GPC5: variants seen among roughly 807,000 people sequenced by gnomAD.
GPC5 encodes the protein glypican-5.
In GPC5, 47 loss-of-function variants were observed where a neutral mutation model predicts 53.9. That is an observed-to-expected ratio of 0.87 (90% CI 0.69 to 1.11). The LOEUF (loss-of-function observed/expected upper bound fraction) is 1.11. Among genes scored for constraint, GPC5 ranks in the 50% most tolerant of loss-of-function variants. GPC5 has a pLI of 0.00. For missense variants in GPC5, 748 were observed against 713.1 expected (o/e 1.05, Z -0.56); for synonymous variants, 286 against 263.3 (o/e 1.09, Z -0.84).
chr13:92,248,211 A>G (rs946111476), intron 7 of GPC5, among the ~76,000 whole-genome samples: 1 of 152,090 alleles, frequency 6.6e-6, no homozygotes, highest in Non-Finnish European at 1.5e-5. Flanking sequence ...GGAAAAAAAA[A>G]AAAACAGATT....
At position 92,365,479 on chromosome 13, in the gene GPC5, A is replaced by G. The variant is rs192030457; in HGVS notation, c.1561+220490A>G. On this transcript the variant is annotated intron_variant, in intron 7 of 7. Coordinates refer to ENST00000377067, the MANE Select transcript of GPC5 (RefSeq NM_004466.6). ...CTTTTAAAATATCTTTCTTTCTTCA[A>G]TGATAAATTACCCTTAGTTTACTCT... Among the ~76,000 whole-genome samples the G allele has an allele frequency of 5.6e-3, 853 of 151,650 alleles. 3 individuals are homozygous for G. Among genetic ancestry groups the G allele is most frequent in the Non-Finnish European group, 9.6e-3 (650 of 68,016 alleles).
intron 6 of GPC5, among the ~76,000 whole-genome samples, chr13:92,027,632 C>G (rs2040810655): frequency 6.6e-6 from 1 of 152,180 alleles, no homozygotes; most frequent in Non-Finnish European, 1.5e-5. Flanking sequence ...GTTGAAAGGA[C>G]TGAATCTGAA....
At chr13:91,966,401 G>T (rs1410355189) in intron 6 of GPC5, among the ~76,000 whole-genome samples, 2 of 152,090 alleles carry the variant, frequency 1.3e-5, no homozygotes, top group Non-Finnish European at 2.9e-5. Flanking sequence ...GAGGTATTTT[G>T]TTGTATTTCA....
intron 6 of GPC5, among the ~76,000 whole-genome samples, chr13:91,936,018 A>G (rs908676874): frequency 2.6e-5 from 4 of 152,006 alleles, no homozygotes; most frequent in African/African-American, 9.7e-5. Context: ...ATTTTGAAAA[A>G]GCTTCCTCCC....
chr13:92,820,499 T>C (rs1659099247), intron 7 of GPC5, among the ~76,000 whole-genome samples: 1 of 152,132 alleles, frequency 6.6e-6, no homozygotes, highest in Non-Finnish European at 1.5e-5. Flanking sequence ...GATCTGATCA[T>C]ATCACTCTTA....
At chr13:92,300,808 T>A (rs1045152732) in intron 7 of GPC5, among the ~76,000 whole-genome samples, 3 of 152,230 alleles carry the variant, frequency 2.0e-5, no homozygotes, top group African/African-American at 7.2e-5. Context: ...CAACAACTTA[T>A]CTTCCTTAGG....
chr13:92,022,966 A>G (rs927754788), intron 6 of GPC5, among the ~76,000 whole-genome samples: 16 of 152,068 alleles, frequency 1.1e-4, no homozygotes, highest in Admixed American at 3.3e-4. Context: ...GTATAACACT[A>G]TATTTTCCTA....
At chr13:91,789,396 C>T (rs1026872263) in intron 5 of GPC5, among the ~76,000 whole-genome samples, 5 of 152,054 alleles carry the variant, frequency 3.3e-5, no homozygotes, top group Non-Finnish European at 7.4e-5. Flanking sequence ...GGTATGGCTG[C>T]TCAATAGCTC....
At chr13:91,718,759 G>A (rs1163112686) in intron 3 of GPC5, among the ~76,000 whole-genome samples, 1 of 151,924 alleles carries the variant, frequency 6.6e-6, no homozygotes, top group Non-Finnish European at 1.5e-5. Context: ...ATTATTCAGG[G>A]TTTATCTAAA....
At chr13:91,634,436 C>CT (rs1023689226) in intron 2 of GPC5, among the ~76,000 whole-genome samples, 12 of 151,042 alleles carry the variant, frequency 7.9e-5, no homozygotes, top group Non-Finnish European at 1.3e-4. Flanking sequence ...AGAACAGTTT[C>CT]TTTTTTTTTC....
At chr13:92,601,856 ATTTCTTC>A (rs1271227999) in intron 7 of GPC5, among the ~76,000 whole-genome samples, 1 of 151,660 alleles carries the variant, frequency 6.6e-6, no homozygotes, top group Non-Finnish European at 1.5e-5. Context: ...CTTACTGAAA[ATTTCTTC>A]TATGACATTT....
chr13:92,151,776 C>T (rs2041909148), intron 7 of GPC5, among the ~76,000 whole-genome samples: 1 of 152,136 alleles, frequency 6.6e-6, no homozygotes, highest in South Asian at 2.1e-4. Context: ...ATACTGTGCA[C>T]AATCCCCTAT....
intron 7 of GPC5, among the ~76,000 whole-genome samples, chr13:92,275,045 T>C (rs148031281): frequency 3.7e-4 from 56 of 150,336 alleles, no homozygotes; most frequent in African/African-American, 1.3e-3. Flanking sequence ...CCCTTGAGCA[T>C]AAGATAATAG....
At chr13:92,290,053 C>T (rs1408517525) in intron 7 of GPC5, among the ~76,000 whole-genome samples, 1 of 151,964 alleles carries the variant, frequency 6.6e-6, no homozygotes, top group African/African-American at 2.4e-5. Flanking sequence ...GATACTGAAC[C>T]ACACTAAATA....
chr13:92,625,571 G>T (rs1262825040), intron 7 of GPC5, among the ~76,000 whole-genome samples: 1 of 152,142 alleles, frequency 6.6e-6, no homozygotes, highest in East Asian at 1.9e-4. Context: ...ATTTGTCCTG[G>T]TGCAATTTGC....
intron 7 of GPC5, among the ~76,000 whole-genome samples, chr13:92,314,716 ATG>A (rs1241269515): frequency 5.9e-5 from 9 of 152,194 alleles, no homozygotes; most frequent in Admixed American, 6.5e-5. Flanking sequence ...AATTCTGCAG[ATG>A]AAGACCAGAG....
intron 7 of GPC5, among the ~76,000 whole-genome samples, chr13:92,345,403 G>C (rs7323550): frequency 0.43 from 65,534 of 151,918 alleles, 14,619 homozygotes; most frequent in African/African-American, 0.56. Context: ...ATTTAAAAGA[G>C]AAAGAAATGG....
intron 5 of GPC5, among the ~76,000 whole-genome samples, chr13:91,864,727 T>C (rs1186816951): frequency 6.6e-6 from 1 of 152,118 alleles, no homozygotes; most frequent in Non-Finnish European, 1.5e-5. Context: ...AACAGTCTAT[T>C]TTAAAAGGAG....
chr13:91,404,249 A>G (rs912816131), intron 1 of GPC5, among the ~76,000 whole-genome samples: 1 of 152,334 alleles, frequency 6.6e-6, no homozygotes, highest in African/African-American at 2.4e-5. Context: ...CAAGAACAAC[A>G]TTCTAGCTAG....
Sources: allele counts gnomAD v4.1 joint callset (sites outside exome capture counted in the v4.1 genomes callset), GRCh38; gene constraint gnomAD v4.1.1; transcripts MANE v1.5; gene names NCBI Gene and HGNC (gene_info 2026-07-23, HGNC 2026-07-21).